AP3B1: variants seen among roughly 807,000 people sequenced by gnomAD.
AP3B1 encodes AP-3 complex subunit beta-1.
A neutral mutation model predicts 132.5 loss-of-function variants in AP3B1; 61 were observed. The ratio of observed to expected loss-of-function variants is 0.46; its 90% CI spans 0.37 to 0.57. The LOEUF (loss-of-function observed/expected upper bound fraction) is 0.57. Among genes scored for constraint, AP3B1 ranks in the 20% least tolerant of loss-of-function variants. AP3B1 has a pLI of 0.00. For missense variants in AP3B1, 1,120 were observed against 1,289.4 expected (o/e 0.87, Z 2.01); for synonymous variants, 388 against 438.3 (o/e 0.89, Z 1.43).
At chr5:78,035,045 C>A (rs1301094525) in intron 23 of AP3B1, among the ~76,000 whole-genome samples, 1 of 151,772 alleles carries the variant, frequency 6.6e-6, no homozygotes, top group African/African-American at 2.4e-5. Context: ...ATTAGATTAT[C>A]TTTATAAAAC....
intron 22 of AP3B1, among the ~76,000 whole-genome samples, chr5:78,088,337 G>C (rs1054536398): frequency 6.6e-6 from 1 of 152,094 alleles, no homozygotes; most frequent in African/African-American, 2.4e-5. Context: ...TTTCTGGGTG[G>C]TTAAGAGATA....
intron 22 of AP3B1, among the ~76,000 whole-genome samples, chr5:78,068,036 G>T (rs991528255): frequency 2.0e-5 from 3 of 151,814 alleles, no homozygotes; most frequent in African/African-American, 7.3e-5. Flanking sequence ...TAATAAAGAA[G>T]AAAAGAGGCC....
At chr5:78,284,810 T>C (rs1749201620) in intron 1 of AP3B1, among the ~76,000 whole-genome samples, 1 of 152,192 alleles carries the variant, frequency 6.6e-6, no homozygotes, top group Non-Finnish European at 1.5e-5. Context: ...TTCTCTCTAA[T>C]GCATCATCTA....
chr5:78,072,711 T>TC (rs1554062688), intron 22 of AP3B1, among the ~76,000 whole-genome samples: 1 of 121,428 alleles, frequency 8.2e-6, no homozygotes, highest in South Asian at 3.0e-4. Context: ...TCTGATATAT[T>TC]CTTTTTTTTT....
chr5:78,209,503 CCCGT>C (rs1745646489), intron 7 of AP3B1, among the ~76,000 whole-genome samples: 1 of 152,034 alleles, frequency 6.6e-6, no homozygotes, highest in Admixed American at 6.6e-5. Context: ...ACCTAGAAGC[CCCGT>C]CTTCAAGTTG....
At chr5:78,221,159 A>C (rs527366479) in intron 6 of AP3B1, among the ~76,000 whole-genome samples, 1 of 152,302 alleles carries the variant, frequency 6.6e-6, no homozygotes, top group South Asian at 2.1e-4. Context: ...TCCCACCAAA[A>C]GGCCATCTAC....
chr5:78,132,300 T>C (rs1752723495), intron 15 of AP3B1, among the ~76,000 whole-genome samples: 1 of 152,228 alleles, frequency 6.6e-6, no homozygotes, highest in Admixed American at 6.5e-5. Flanking sequence ...AACAGTTTTA[T>C]CTTCAAAGTT....
intron 17 of AP3B1, among the ~76,000 whole-genome samples, chr5:78,121,009 C>G (rs1580373736): frequency 6.6e-6 from 1 of 152,144 alleles, no homozygotes; most frequent in Admixed American, 6.5e-5. Context: ...GACCACAGTG[C>G]AATCAAACTA....
intron 22 of AP3B1, among the ~76,000 whole-genome samples, chr5:78,049,878 T>G (rs1229313636): frequency 1.3e-5 from 2 of 152,190 alleles, no homozygotes; most frequent in Admixed American, 6.5e-5. Context: ...TGAGTTTACC[T>G]GTATAACAAA....
chr5:78,232,953 C>T (rs1192614843), intron 3 of AP3B1, among the ~76,000 whole-genome samples: 1 of 152,162 alleles, frequency 6.6e-6, no homozygotes. Flanking sequence ...GTGATCCACC[C>T]ACCTCGGCCT....
At chr5:78,229,263 A>G (rs895276902) in intron 3 of AP3B1, among the ~76,000 whole-genome samples, 2 of 152,220 alleles carry the variant, frequency 1.3e-5, no homozygotes, top group African/African-American at 4.8e-5. Flanking sequence ...AGGTAATTTA[A>G]TCACTAAGTT....
At chr5:78,109,697 G>A (rs1390813098) in intron 20 of AP3B1, among the ~76,000 whole-genome samples, 1 of 151,894 alleles carries the variant, frequency 6.6e-6, no homozygotes, top group South Asian at 2.1e-4. Context: ...TGCTAAGCAG[G>A]CAAAATTCAG....
chr5:78,145,959 T>C (rs2112336277), intron 14 of AP3B1, among the ~76,000 whole-genome samples: 1 of 152,312 alleles, frequency 6.6e-6, no homozygotes, highest in Non-Finnish European at 1.5e-5. Context: ...ATTGACCCAT[T>C]GTCCTTAGAT....
intron 15 of AP3B1, among the ~76,000 whole-genome samples, chr5:78,139,852 T>A (rs1357422144): frequency 3.3e-5 from 5 of 151,692 alleles, no homozygotes; most frequent in Admixed American, 1.3e-4. Context: ...TGGACTGTAG[T>A]ACGGGGGCGG....
chr5:78,260,944 T>C (rs1748064480), intron 2 of AP3B1, among the ~76,000 whole-genome samples: 1 of 152,236 alleles, frequency 6.6e-6, no homozygotes, highest in Non-Finnish European at 1.5e-5. Context: ...TGCATCAGAA[T>C]TCCATTCCTT....
At chr5:78,213,165 C>G (rs1048893459) in intron 7 of AP3B1, among the ~76,000 whole-genome samples, 1 of 152,140 alleles carries the variant, frequency 6.6e-6, no homozygotes, top group Non-Finnish European at 1.5e-5. Context: ...AGGCGTGAGC[C>G]ACCGCGCCCG....
At chr5:78,205,259 C>T (rs1228370124) in intron 7 of AP3B1, among the ~76,000 whole-genome samples, 5 of 152,032 alleles carry the variant, frequency 3.3e-5, no homozygotes, top group Non-Finnish European at 7.4e-5. Flanking sequence ...AGAGAAAGTG[C>T]TAATATAAAC....
chr5:78,075,574 T>C (rs1408058746), intron 22 of AP3B1, among the ~76,000 whole-genome samples: 1 of 152,238 alleles, frequency 6.6e-6, no homozygotes, highest in Non-Finnish European at 1.5e-5. Context: ...GACTACTTGC[T>C]AGCCAATTTC....
chr5:78,255,049 A>G (rs1747795683), intron 2 of AP3B1, among the ~76,000 whole-genome samples: 1 of 152,152 alleles, frequency 6.6e-6, no homozygotes, highest in African/African-American at 2.4e-5. Flanking sequence ...GGATTATAAG[A>G]TAGTATTTGC....
Sources: gnomAD v4.1 joint callset for allele counts (sites outside exome capture counted in the v4.1 genomes callset) on GRCh38, gnomAD v4.1.1 for gene constraint, MANE v1.5 for transcripts, NCBI Gene and HGNC (gene_info 2026-07-23, HGNC 2026-07-21) for gene names.